The following UMAD1 variants were observed in gnomAD, a reference collection of about 807,000 sequenced individuals.
UMAD1 encodes the protein UBAP1-MVB12-associated (UMA) domain containing 1, also known as UBAP1-MVB12-associated (UMA)-domain containing protein 1.
Under a neutral mutation model 6.1 loss-of-function variants are expected in UMAD1, and 8 were observed. That is an observed-to-expected ratio of 1.30 (90% CI 0.76 to 2.35). The LOEUF (loss-of-function observed/expected upper bound fraction) is 2.35. UMAD1 is among the 30% of genes most tolerant of loss of function. The pLI is 0.00. For missense variants in UMAD1, 130 were observed against 78.4 expected (o/e 1.66, Z -2.49); for synonymous variants, 56 against 31.4 (o/e 1.78, Z -2.61).
chr7:7,735,720 G>C (rs12154979), intron 2 of UMAD1: 45,236 of 152,108 alleles, frequency 0.3, 7,773 homozygotes, highest in African/African-American at 0.48. Flanking sequence ...ACATTGTTAT[G>C]TTAAATATGA....
intron 2 of UMAD1, among the ~76,000 whole-genome samples, chr7:7,767,747 A>G (rs1782017920): frequency 6.6e-6 from 1 of 152,314 alleles, no homozygotes; most frequent in Admixed American, 6.5e-5. Context: ...TACCATTATT[A>G]TAACTCTGTA....
chr7:7,805,440 C>T (rs375380353), intron 3 of UMAD1, among the ~76,000 whole-genome samples: 166 of 152,262 alleles, frequency 1.1e-3, no homozygotes, highest in African/African-American at 3.7e-3. Context: ...CCTCTATATC[C>T]GGAATGTGAC....
intron 3 of UMAD1, among the ~76,000 whole-genome samples, chr7:7,804,834 A>G (rs1198564566): frequency 6.6e-6 from 1 of 151,718 alleles, no homozygotes; most frequent in East Asian, 1.9e-4. Flanking sequence ...ACAAAAAATT[A>G]GCTGGGCACG....
chr7:7,656,776 C>G (rs185164190), intron 1 of UMAD1, among the ~76,000 whole-genome samples: 71 of 152,236 alleles, frequency 4.7e-4, no homozygotes, highest in African/African-American at 1.3e-3. Flanking sequence ...AATAAACATA[C>G]GTGCGCATGT....
At chr7:7,819,968 T>G (rs1280768924) in intron 3 of UMAD1, among the ~76,000 whole-genome samples, 2 of 152,218 alleles carry the variant, frequency 1.3e-5, no homozygotes, top group Non-Finnish European at 1.5e-5. Context: ...TTGTGTTAAG[T>G]TCTAAGACTC....
At chr7:7,822,821 G>A (rs368059395) in intron 3 of UMAD1, among the ~76,000 whole-genome samples, 17 of 151,606 alleles carry the variant, frequency 1.1e-4, no homozygotes, top group African/African-American at 2.7e-4. Flanking sequence ...CTATGAAGAC[G>A]AAAAACTTTT....
intron 2 of UMAD1, among the ~76,000 whole-genome samples, chr7:7,796,162 G>A (rs769332467): frequency 1.3e-5 from 2 of 151,616 alleles, no homozygotes; most frequent in African/African-American, 2.4e-5. Flanking sequence ...ACCTCACAGG[G>A]TTAACAGGAA....
chr7:7,832,921 C>A (rs1424679226), intron 3 of UMAD1, among the ~76,000 whole-genome samples: 1 of 152,196 alleles, frequency 6.6e-6, no homozygotes, highest in East Asian at 1.9e-4. Context: ...GTCAGCTTTT[C>A]ATAGACAGGG....
At chr7:7,811,588 C>T (rs996200431) in intron 3 of UMAD1, among the ~76,000 whole-genome samples, 19 of 152,108 alleles carry the variant, frequency 1.2e-4, no homozygotes, top group African/African-American at 2.4e-4. Flanking sequence ...AATGTTTGAG[C>T]GCCCTCCCTG....
At chr7:7,810,444 T>C (rs1454633144) in intron 3 of UMAD1, among the ~76,000 whole-genome samples, 2 of 152,126 alleles carry the variant, frequency 1.3e-5, no homozygotes, top group Non-Finnish European at 2.9e-5. Flanking sequence ...TTTTCAGTTT[T>C]TATAAATGAC....
intron 3 of UMAD1, among the ~76,000 whole-genome samples, chr7:7,876,281 A>G (rs925943218): frequency 2.0e-5 from 3 of 152,172 alleles, no homozygotes; most frequent in African/African-American, 7.2e-5. Flanking sequence ...GCAAGGAGAC[A>G]GTGGGATTGA....
At chr7:7,656,645 C>G (rs1346023224) in intron 1 of UMAD1, among the ~76,000 whole-genome samples, 1 of 152,184 alleles carries the variant, frequency 6.6e-6, no homozygotes. Flanking sequence ...AGGATATGAA[C>G]TCATTCTTTT....
Position 7,777,505 on chromosome 7 carries a change from CA to C in UMAD1, c.83-24147del, listed in dbSNP as rs1191099834. The stretch of plus-strand genomic sequence containing the variant: ...TGGGAGACAGTGTGAGACTCCATCT[CA>C]AAAAAAAAAAAAAAAAAGAAAAACT... On this transcript the variant is annotated intron_variant, in intron 2 of 3. Coordinates refer to ENST00000682710, the MANE Select transcript of UMAD1 (RefSeq NM_001302348.2). 2.4e-3 allele frequency among the ~76,000 whole-genome samples: 58 copies of C among 24,570 alleles called. 1 individual carries two copies. Among genetic ancestry groups the C allele is most frequent in the Middle Eastern group, 0.022 (1 of 46 alleles). 16.1% of individuals were successfully genotyped at this position (24,570 alleles called of 152,430 possible). A position where few individuals can be genotyped will look rare whatever the true frequency, so the allele number is the denominator to read the frequency against.
At chr7:7,838,343 G>T (rs1056508534) in intron 3 of UMAD1, among the ~76,000 whole-genome samples, 2 of 152,124 alleles carry the variant, frequency 1.3e-5, no homozygotes, top group Admixed American at 6.5e-5. Context: ...TACATGATTT[G>T]AGCAACAGAG....
chr7:7,854,946 A>G (rs73057780), intron 3 of UMAD1, among the ~76,000 whole-genome samples: 4,237 of 152,318 alleles, frequency 0.028, 114 homozygotes, highest in Non-Finnish European at 0.037. Context: ...GGGCCAAAAC[A>G]AAGGGGCTAC....
chr7:7,824,705 A>G (rs932076523), intron 3 of UMAD1, among the ~76,000 whole-genome samples: 1 of 152,128 alleles, frequency 6.6e-6, no homozygotes, highest in African/African-American at 2.4e-5. Context: ...TTGAATCTCT[A>G]CTATCTAGTA....
At chr7:7,787,531 A>G (rs543997875) in intron 2 of UMAD1, among the ~76,000 whole-genome samples, 24 of 152,376 alleles carry the variant, frequency 1.6e-4, no homozygotes, top group Admixed American at 3.3e-4. Context: ...TACTTTATCA[A>G]AACTCCTTTG....
At chr7:7,717,775 A>G (rs1780954064) in intron 2 of UMAD1, among the ~76,000 whole-genome samples, 1 of 152,236 alleles carries the variant, frequency 6.6e-6, no homozygotes, top group Admixed American at 6.5e-5. Flanking sequence ...GGCCTGGATG[A>G]GAGCATGAGT....
intron 2 of UMAD1, among the ~76,000 whole-genome samples, chr7:7,680,236 G>A (rs1304202851): frequency 1.3e-5 from 2 of 152,028 alleles, no homozygotes; most frequent in African/African-American, 4.8e-5. Context: ...AGAGATAGGG[G>A]TCTAGTTTTA....
Sources: gnomAD v4.1 joint callset for allele counts (sites outside exome capture counted in the v4.1 genomes callset) on GRCh38, gnomAD v4.1.1 for gene constraint, MANE v1.5 for transcripts, NCBI Gene and HGNC (gene_info 2026-07-23, HGNC 2026-07-21) for gene names.